The following SPINK5 variants were observed in gnomAD, a reference collection of about 807,000 sequenced individuals.
SPINK5 encodes the protein serine peptidase inhibitor Kazal type 5.
A neutral mutation model predicts 151.8 loss-of-function variants in SPINK5; 125 were observed. That is an observed-to-expected ratio of 0.82 (90% confidence interval 0.71 to 0.96). The LOEUF is 0.96. SPINK5 is among the 40% of genes least tolerant of loss of function. The probability of loss-of-function intolerance (pLI) is 0.00; values close to 1 mark genes in which losing one functional copy is unlikely to be tolerated. For missense variants in SPINK5, 1,194 were observed against 1,291.9 expected, an observed-to-expected ratio of 0.92 and a Z score of 1.16; for synonymous variants, 374 against 395.3, an observed-to-expected ratio of 0.95 and a Z score of 0.64.
intron 8 of SPINK5, among the ~76,000 whole-genome samples, chr5:148,094,008 T>C (rs1753385482): frequency 6.6e-6 from 1 of 151,956 alleles, no homozygotes. Flanking sequence ...ATAAAATTAC[T>C]TGTTGGCTGG....
Position 148,096,811 on chromosome 5 carries a change from T to A in SPINK5, c.882+906T>A, listed in dbSNP as rs116601399. Among the ~76,000 whole-genome samples, 440 of 149,502 alleles carry A rather than the reference T, an allele frequency of 2.9e-3. 3 individuals are homozygous for A. The highest frequency in any genetic ancestry group is 0.011 in the African/African-American group (429 of 40,560). ...TTTTTCTCTGTCACCCAGGCTGGAG[T>A]GTAGTGGTGGGATCATGGCTCACTG... On this transcript the variant is annotated intron_variant, in intron 10 of 32. Transcript: ENST00000256084.
At chr5:148,115,224 G>A (rs1253094295) in intron 21 of SPINK5, among the ~76,000 whole-genome samples, 2 of 152,142 alleles carry the variant, frequency 1.3e-5, no homozygotes, top group Non-Finnish European at 2.9e-5. Context: ...AATGAGAGGA[G>A]AAGAAGGGAA....
rs1057041227 is a variant in SPINK5 at position 148,100,435 on chromosome 5, ACTT to A, written c.1093-13_1093-11del. On this transcript the variant is annotated splice_polypyrimidine_tract_variant and intron_variant, in intron 12 of 32. Transcript: ENST00000256084. ...TAGAAATGAAATATATGGCCAACTT[ACTT>A]CTTCTATCTCGGCAGGAGCTTTGCA... 5.0e-6 allele frequency: 8 copies of A among 1,607,720 alleles called. No individual in the cohort carries two copies. In the African/African-American group the frequency reaches 1.1e-4, roughly 21 times the overall value.
chr5:148,124,017 G>A (rs1260235642), intron 27 of SPINK5, 57 bp downstream of exon 27: 1 of 1,603,106 alleles, frequency 6.2e-7, no homozygotes, highest in African/African-American at 1.3e-5. Flanking sequence ...CTAGAAATTA[G>A]TTTTTGTTAC....
At chr5:148,135,195 T>TGTC (rs1421429094) in intron 32 of SPINK5, among the ~76,000 whole-genome samples, 2 of 152,186 alleles carry the variant, frequency 1.3e-5, no homozygotes, top group African/African-American at 4.8e-5. Context: ...TTGTGTTTGC[T>TGTC]GTCTTATTAT....
Position 148,118,446 on chromosome 5 carries a change from G to T in SPINK5, c.2122G>T (p.Ala708Ser). 6.2e-7 allele frequency: 1 copy of T among 1,614,094 alleles called. No individual in the cohort carries two copies. Among genetic ancestry groups the T allele is most frequent in the South Asian group, 1.1e-5 (1 of 91,080 alleles). ...GGGGNTQDEC[A>S]EYREQMKNGR... ...TCTTCTCTGTTTTCAGGACGAATGT[G>T]CTGAGTATCGGGAACAAATGAAAAA... Residue 708 changes from alanine (A) to serine (S), a missense_variant, in exon 23 of 33, where the codon GCT becomes TCT. Coordinates refer to ENST00000256084, the MANE Select transcript of SPINK5 (RefSeq NM_006846.4).
At chr5:148,089,334 A>T (rs1753245396) in intron 6 of SPINK5, 160 bp from the exon 7 acceptor site, 3 of 901,702 alleles carry the variant, frequency 3.3e-6, no homozygotes, top group Non-Finnish European at 5.4e-6. Flanking sequence ...ATTTAACCAC[A>T]TGAATTATAG....
At chr5:148,097,744 G>C in intron 10 of SPINK5, 123 bp from the exon 11 acceptor site, 1 of 1,033,332 alleles carries the variant, frequency 9.7e-7, no homozygotes, top group Non-Finnish European at 1.4e-6. Context: ...TTTTTGGATG[G>C]TCCTAAATCT....
chr5:148,077,132 CA>C (rs1219005402), intron 4 of SPINK5, among the ~76,000 whole-genome samples: 6 of 149,844 alleles, frequency 4.0e-5, no homozygotes, highest in African/African-American at 1.5e-4. Context: ...CAATACACCC[CA>C]AATAGGATAA....
chr5:148,131,847 G>A (rs1754581254), intron 31 of SPINK5, among the ~76,000 whole-genome samples: 1 of 152,120 alleles, frequency 6.6e-6, no homozygotes, highest in Non-Finnish European at 1.5e-5. Flanking sequence ...GAAAGAAGTA[G>A]TACCTTGCAA....
At chr5:148,107,684 T>A (rs940572049) in intron 17 of SPINK5, among the ~76,000 whole-genome samples, 2 of 152,168 alleles carry the variant, frequency 1.3e-5, no homozygotes, top group Admixed American at 6.5e-5. Context: ...TAGTGTGGAG[T>A]AAAACCTTTA....
At chr5:148,117,460 T>C (rs1363723) in intron 22 of SPINK5, among the ~76,000 whole-genome samples, 81,964 of 151,598 alleles carry the variant, frequency 0.54, 23,266 homozygotes, top group Admixed American at 0.64. Context: ...CAATGTGGGC[T>C]TTGTGGGTCA....
At chr5:148,075,670 C>T (rs1277578660) in intron 4 of SPINK5, among the ~76,000 whole-genome samples, 4 of 151,676 alleles carry the variant, frequency 2.6e-5, no homozygotes, top group Non-Finnish European at 5.9e-5. Context: ...TTTTAGCAAT[C>T]TGAAAATTGA....
intron 21 of SPINK5, among the ~76,000 whole-genome samples, chr5:148,114,778 C>G (rs1419640350): frequency 6.6e-6 from 1 of 152,128 alleles, no homozygotes; most frequent in African/African-American, 2.4e-5. Flanking sequence ...TCAAGTGGAT[C>G]CTTTCTCTGG....
At chr5:148,098,110 A>C in intron 11 of SPINK5, 116 bp downstream of exon 11, 1 of 986,848 alleles carries the variant, frequency 1.0e-6, no homozygotes, top group Non-Finnish European at 1.5e-6. Flanking sequence ...GTGAGTTGAA[A>C]ACATTACATG....
rs769260747 is a variant in SPINK5 at position 148,131,316 on chromosome 5, A to G, written c.3022A>G (p.Lys1008Glu). 2.5e-6 allele frequency: 4 copies of G among 1,613,970 alleles called. No individual in the cohort carries two copies. Among genetic ancestry groups the G allele is most frequent in the Non-Finnish European group, 8.5e-7 (1 of 1,179,854 alleles). The change falls in exon 31 of 33, where the codon AAG becomes GAG. Residue 1008 changes from lysine to glutamate, a missense_variant. Lys to Glu is a moderately conservative substitution (Grantham distance 56, BLOSUM62 1). Coordinates refer to ENST00000256084, the MANE Select transcript of SPINK5 (RefSeq NM_006846.4). Reference sequence around the variant, plus strand: ...GCCCAGGATAGGTTATCTTTGTCCAAAGGATTTAAAGCCTGTCTGTGGTGA... The same window carrying G: ...GCCCAGGATAGGTTATCTTTGTCCAGAGGATTTAAAGCCTGTCTGTGGTGA... The part of the protein sequence containing the change: ...VLPRIGYLCP[K>E]DLKPVCGDDG...
intron 27 of SPINK5, 33 bp from the exon 28 acceptor site, chr5:148,124,732 A>C (rs1754382525): frequency 6.7e-7 from 1 of 1,493,984 alleles, no homozygotes; most frequent in African/African-American, 1.5e-5. Flanking sequence ...CCCTTGAAAA[A>C]TTACCCTATC....
chr5:148,101,852 C>T lies in SPINK5; in HGVS notation c.1374C>T (p.Ile458=). 1 of 1,613,800 alleles carries T rather than the reference C, an allele frequency of 6.2e-7. No individual in the cohort carries two copies. The highest frequency in any genetic ancestry group is 8.5e-7 in the Non-Finnish European group (1 of 1,179,796). Residue 458 remains isoleucine, a synonymous_variant, in exon 15 of 33, where the codon ATC becomes ATT. Coordinates refer to ENST00000256084, the MANE Select transcript of SPINK5 (RefSeq NM_006846.4). ...RLFCTRENDP[I]QGPDGKMHGN... Reference sequence around the variant, plus strand: ...TTTGCACCAGAGAGAATGACCCCATCCAGGGCCCAGATGGAAAAATGCATG... The same window carrying T: ...TTTGCACCAGAGAGAATGACCCCATTCAGGGCCCAGATGGAAAAATGCATG...
chr5:148,116,431 C>G lies in SPINK5; in HGVS notation c.2077C>G (p.His693Asp), dbSNP rs763623977. 3 of 1,614,098 alleles carry G rather than the reference C, an allele frequency of 1.9e-6. No individual in the cohort carries two copies. Among genetic ancestry groups the G allele is most frequent in the Non-Finnish European group, 1.7e-6 (2 of 1,179,992 alleles). Reference sequence around the variant, plus strand: ...GGAAGATCAGAGAAATGCTGCAGGACATGGTTCCAGTGGTGGTGGAGGAGG... The same window carrying G: ...GGAAGATCAGAGAAATGCTGCAGGAGATGGTTCCAGTGGTGGTGGAGGAGG... ...EEEDQRNAAGHGSSGGGGGNT... is the reference protein window; with the variant it reads ...EEEDQRNAAGDGSSGGGGGNT... Residue 693 changes from histidine to aspartate, a missense_variant, in exon 22 of 33, where the codon CAT becomes GAT. Physicochemically the swap from His to Asp is moderately conservative, Grantham distance 81 (BLOSUM62 -1). Transcript: ENST00000256084.
Sources: allele counts gnomAD v4.1 joint callset (sites outside exome capture counted in the v4.1 genomes callset), GRCh38; gene constraint gnomAD v4.1.1; transcripts MANE v1.5; gene names NCBI Gene and HGNC (gene_info 2026-07-23, HGNC 2026-07-21).